Variants in AKT3 observed in about 807,000 individuals in gnomAD.
AKT3 encodes RAC-gamma serine/threonine-protein kinase.
In AKT3, 15 loss-of-function variants were observed where a neutral mutation model predicts 65.3. That is an observed-to-expected ratio of 0.23 (90% confidence interval 0.15 to 0.35). The LOEUF is 0.35. AKT3 is among the 10% of genes least tolerant of loss of function. The pLI is 1.00. For missense variants in AKT3, 243 were observed against 576.5 expected (o/e 0.42, Z 5.92); for synonymous variants, 206 against 183.8 (o/e 1.12, Z -0.98).
At chr1:243,697,517 T>A (rs1398627516) in intron 2 of AKT3, among the ~76,000 whole-genome samples, 1 of 152,094 alleles carries the variant, frequency 6.6e-6, no homozygotes, top group Non-Finnish European at 1.5e-5. Flanking sequence ...CTTTTAACAA[T>A]GAACTTTCTG....
At chr1:243,616,497 A>G (rs978461873) in intron 6 of AKT3, among the ~76,000 whole-genome samples, 22 of 152,228 alleles carry the variant, frequency 1.4e-4, no homozygotes, top group African/African-American at 4.6e-4. Flanking sequence ...ATAATGTTTC[A>G]TATTTCAAAA....
chr1:243,761,895 C>G (rs932955945), intron 2 of AKT3, among the ~76,000 whole-genome samples: 1 of 151,958 alleles, frequency 6.6e-6, no homozygotes, highest in African/African-American at 2.4e-5. Flanking sequence ...ATTTTGATTC[C>G]TTTATCCTGG....
intron 3 of AKT3, among the ~76,000 whole-genome samples, chr1:243,675,015 C>T (rs1006771973): frequency 1.3e-5 from 2 of 152,152 alleles, no homozygotes; most frequent in African/African-American, 4.8e-5. Context: ...TTATTTCCAT[C>T]TTTATGTCCA....
chr1:243,802,427 G>T (rs1213556050), intron 2 of AKT3, among the ~76,000 whole-genome samples: 1 of 152,192 alleles, frequency 6.6e-6, no homozygotes, highest in African/African-American at 2.4e-5. Context: ...ATTGGAGCTA[G>T]AAGAGACTTT....
In AKT3 at chr1:243,504,120, A is replaced by G. The variant is rs1669516260; in HGVS notation, c.*1129T>C. On this transcript the variant is annotated 3_prime_UTR_variant, in exon 14 of 14. Transcript: ENST00000673466. ...GGAGAAAAAGTGCATGATTCTCATC[A>G]GCGTGTACAATCCTTGCACATGGGT... The G allele has an allele frequency of 9.0e-6, 2 of 221,158 alleles. No individual in the cohort carries two copies. The highest frequency in any genetic ancestry group is 4.5e-5 in the African/African-American group (2 of 44,650). 13.7% of individuals were successfully genotyped at this position (221,158 alleles called of 1,614,324 possible). A position where few individuals can be genotyped will look rare whatever the true frequency, so the allele number is the denominator to read the frequency against.
At chr1:243,508,963 C>T (rs574690285) in intron 13 of AKT3, among the ~76,000 whole-genome samples, 3 of 152,110 alleles carry the variant, frequency 2.0e-5, no homozygotes, top group Admixed American at 6.5e-5. Flanking sequence ...TGCACCACTG[C>T]GCCTAGACAA....
chr1:243,773,779 C>G (rs1057015042), intron 2 of AKT3, among the ~76,000 whole-genome samples: 7 of 152,186 alleles, frequency 4.6e-5, no homozygotes, highest in Non-Finnish European at 2.9e-5. Context: ...CAACTGACAA[C>G]AGGTTGTAAA....
intron 3 of AKT3, among the ~76,000 whole-genome samples, chr1:243,681,139 T>G (rs985666335): frequency 2.0e-5 from 3 of 152,116 alleles, no homozygotes; most frequent in African/African-American, 7.2e-5. Flanking sequence ...ACTGGGAAAT[T>G]CCATGAACCT....
chr1:243,815,311 T>C (rs1187765424), intron 2 of AKT3, among the ~76,000 whole-genome samples: 2 of 152,204 alleles, frequency 1.3e-5, no homozygotes, highest in South Asian at 2.1e-4. Context: ...ATAGGTTACA[T>C]TTTTCTATTT....
At chr1:243,629,710 T>C (rs145071536) in intron 6 of AKT3, among the ~76,000 whole-genome samples, 19,981 of 152,146 alleles carry the variant, frequency 0.13, 1,769 homozygotes, top group Non-Finnish European at 0.19. Flanking sequence ...GAGAATGGCG[T>C]GAACCCAGGA....
chr1:243,619,935 C>T (rs6686949), intron 6 of AKT3, among the ~76,000 whole-genome samples: 89,225 of 97,084 alleles, frequency 0.92, 42,475 homozygotes, highest in East Asian at 1. Flanking sequence ...TTCCCACCAA[C>T]AGCATAGGAG....
At chr1:243,593,191 C>A (rs1466526121) in intron 8 of AKT3, among the ~76,000 whole-genome samples, 1 of 152,026 alleles carries the variant, frequency 6.6e-6, no homozygotes, top group Non-Finnish European at 1.5e-5. Flanking sequence ...AGCATTGCCA[C>A]AATACAAAAC....
chr1:243,724,653 T>C (rs1333220079), intron 2 of AKT3, among the ~76,000 whole-genome samples: 2 of 152,216 alleles, frequency 1.3e-5, no homozygotes, highest in Non-Finnish European at 1.5e-5. Context: ...TTTCATTTTC[T>C]GGAAAACTAC....
At chr1:243,654,902 AT>A (rs1681645340) in intron 4 of AKT3, among the ~76,000 whole-genome samples, 2 of 151,962 alleles carry the variant, frequency 1.3e-5, no homozygotes, top group South Asian at 4.1e-4. Flanking sequence ...GTCTAATGAG[AT>A]TAGGGATTTT....
intron 13 of AKT3, among the ~76,000 whole-genome samples, chr1:243,493,959 A>C (rs1667197025): frequency 6.6e-6 from 1 of 152,006 alleles, no homozygotes; most frequent in East Asian, 2.0e-4. Context: ...CCTGGCTGCA[A>C]GGCGGAGCTG....
intron 2 of AKT3, among the ~76,000 whole-genome samples, chr1:243,839,906 G>A (rs1348973957): frequency 6.6e-6 from 1 of 151,420 alleles, no homozygotes; most frequent in Non-Finnish European, 1.5e-5. Flanking sequence ...AAAAGGTCCG[G>A]GTGCGGTGGC....
At chr1:243,845,078 T>TA (rs767706408) in intron 1 of AKT3, among the ~76,000 whole-genome samples, 2 of 152,198 alleles carry the variant, frequency 1.3e-5, no homozygotes, top group Non-Finnish European at 2.9e-5. Flanking sequence ...AGTTCAGTGT[T>TA]AGACTCCCAA....
At chr1:243,566,111 C>A (rs1243966037) in intron 9 of AKT3, among the ~76,000 whole-genome samples, 2 of 152,100 alleles carry the variant, frequency 1.3e-5, no homozygotes, top group South Asian at 4.1e-4. Context: ...TATTTCTCCA[C>A]GTTTTGACAA....
chr1:243,558,939 G>C (rs1162615376), intron 10 of AKT3, among the ~76,000 whole-genome samples: 1 of 152,042 alleles, frequency 6.6e-6, no homozygotes, highest in Non-Finnish European at 1.5e-5. Flanking sequence ...TTTTCAAACT[G>C]TTTTACAGTT....
Sources: gnomAD v4.1 joint callset for allele counts (sites outside exome capture counted in the v4.1 genomes callset) on GRCh38, gnomAD v4.1.1 for gene constraint, MANE v1.5 for transcripts, NCBI Gene and HGNC (gene_info 2026-07-23, HGNC 2026-07-21) for gene names.